The following PCLO variants were observed in gnomAD, a reference collection of about 807,000 sequenced individuals.
The protein encoded by PCLO is piccolo presynaptic cytomatrix protein.
PCLO carries 82 observed loss-of-function variants against 427.5 expected under a neutral mutation model. The observed-to-expected ratio is 0.19, with a 90% CI of 0.16 to 0.23. The LOEUF is 0.23. Among genes scored for constraint, PCLO ranks in the 10% least tolerant of loss-of-function variants. PCLO has a pLI of 1.00. For synonymous variants in PCLO, 2,357 were observed against 2,155.4 expected, an observed-to-expected ratio of 1.09 and a Z score of -2.59; for missense variants, 6,239 against 6,115.9, an observed-to-expected ratio of 1.02 and a Z score of -0.67.
At chr7:83,127,764 G>A (rs190033722) in intron 3 of PCLO, among the ~76,000 whole-genome samples, 12 of 152,118 alleles carry the variant, frequency 7.9e-5, no homozygotes, top group African/African-American at 2.9e-4. Context: ...GGAATCATTT[G>A]GAACCAGAGA....
At chr7:82,905,304 A>G (rs554459317) in intron 8 of PCLO, among the ~76,000 whole-genome samples, 2 of 152,190 alleles carry the variant, frequency 1.3e-5, no homozygotes, top group East Asian at 3.9e-4. Flanking sequence ...TTTGTTAACA[A>G]AAAGGGAAGG....
In PCLO at chr7:82,794,465, T is replaced by G. The variant is rs1355257556; in HGVS notation, c.15007+7053A>C. Among the ~76,000 whole-genome samples the G allele has an allele frequency of 6.4e-3, 462 of 71,698 alleles. 38 individuals carry two copies. The highest frequency in any genetic ancestry group is 0.031 in the African/African-American group (412 of 13,400). 47.0% of individuals were successfully genotyped at this position (71,698 alleles called of 152,430 possible). A position where few individuals can be genotyped will look rare whatever the true frequency, so the allele number is the denominator to read the frequency against. On this transcript the variant is annotated intron_variant, in intron 22 of 24. Transcript: ENST00000333891. ...TAGTTCATAAATTTTTTTTCTTTTT[T>G]TTTTTTTTTTTTTTTTTTTTTTTTG...
intron 2 of PCLO, among the ~76,000 whole-genome samples, chr7:83,145,015 G>A (rs961214184): frequency 1.3e-5 from 2 of 152,074 alleles, no homozygotes; most frequent in Non-Finnish European, 2.9e-5. Flanking sequence ...GAATAGGAAA[G>A]GTACTTTACT....
intron 3 of PCLO, among the ~76,000 whole-genome samples, chr7:83,084,905 T>C (rs1218188490): frequency 6.6e-6 from 1 of 152,194 alleles, no homozygotes; most frequent in African/African-American, 2.4e-5. Context: ...ACATTGGCAG[T>C]TGCAAAGCAT....
chr7:83,093,697 G>A (rs2116450931), intron 3 of PCLO, among the ~76,000 whole-genome samples: 1 of 148,168 alleles, frequency 6.7e-6, no homozygotes, highest in African/African-American at 2.5e-5. Context: ...GTTTCACCGT[G>A]TTAGCCAGGA....
chr7:83,105,209 C>T (rs376891522), intron 3 of PCLO, among the ~76,000 whole-genome samples: 228 of 152,226 alleles, frequency 1.5e-3, no homozygotes, highest in African/African-American at 5.2e-3. Context: ...CATCACTTAA[C>T]AAAAATTTTA....
At chr7:82,821,086 G>A (rs963681842) in intron 20 of PCLO, 2 of 1,091,276 alleles carry the variant, frequency 1.8e-6, no homozygotes, top group Non-Finnish European at 2.2e-6. Context: ...CTTGCTGTGT[G>A]CTTTGAACAG....
In PCLO at chr7:82,777,498, AACCTAT is replaced by A. The variant is rs147310861; in HGVS notation, c.15008-16011_15008-16006del. ...AGGAGGCATTATGCTCCCCTACTTCAACCTATACTGTGGGGCTATAGTAACCAAAAC... is the reference window on the plus strand; with the variant it reads ...AGGAGGCATTATGCTCCCCTACTTCAACTGTGGGGCTATAGTAACCAAAAC... On this transcript the variant is annotated intron_variant, in intron 22 of 24. Transcript: ENST00000333891. Among the ~76,000 whole-genome samples, 41 of 152,304 alleles carry A rather than the reference AACCTAT, an allele frequency of 2.7e-4. No homozygotes were observed. The East Asian group carries it at 6.8e-3, about 25-fold the overall frequency.
At chr7:83,062,624 G>A (rs1023344039) in intron 3 of PCLO, among the ~76,000 whole-genome samples, 11 of 152,142 alleles carry the variant, frequency 7.2e-5, no homozygotes, top group Non-Finnish European at 2.9e-5. Flanking sequence ...TTCTATGTGT[G>A]AGGCAGGTAC....
At chr7:83,074,092 T>C (rs1258290713) in intron 3 of PCLO, among the ~76,000 whole-genome samples, 1 of 152,024 alleles carries the variant, frequency 6.6e-6, no homozygotes, top group Non-Finnish European at 1.5e-5. Context: ...CACTTTATAA[T>C]TGCAAGGAAA....
chr7:82,932,247 C>A (rs1400838838), intron 6 of PCLO, among the ~76,000 whole-genome samples: 1 of 152,018 alleles, frequency 6.6e-6, no homozygotes, highest in Non-Finnish European at 1.5e-5. Context: ...TACATCCTGG[C>A]AAGATGCAGA....
At chr7:83,047,055 T>A (rs1467775441) in intron 3 of PCLO, among the ~76,000 whole-genome samples, 4 of 151,978 alleles carry the variant, frequency 2.6e-5, no homozygotes, top group Non-Finnish European at 5.9e-5. Context: ...CTACTATGAA[T>A]ATAAAGCAAA....
At position 82,822,482 on chromosome 7, in the gene PCLO, T is replaced by C. The variant is rs1791817636; in HGVS notation, c.14791+13A>G. On this transcript the variant is annotated intron_variant, in intron 20 of 24. Coordinates refer to ENST00000333891, the MANE Select transcript of PCLO (RefSeq NM_033026.6). Reference sequence around the variant, plus strand: ...TAAGCTGCCATGCTGAGGAATTTATTTGCGTCTTTTACTTGGTTGAATGCG... The same window carrying C: ...TAAGCTGCCATGCTGAGGAATTTATCTGCGTCTTTTACTTGGTTGAATGCG... 2 of 1,613,778 alleles carry C rather than the reference T, an allele frequency of 1.2e-6. No homozygotes were observed. The highest frequency in any genetic ancestry group is 1.7e-5 in the Admixed American group (1 of 59,984).
intron 3 of PCLO, among the ~76,000 whole-genome samples, chr7:83,059,371 TA>T (rs1789485387): frequency 8.3e-6 from 1 of 120,278 alleles, no homozygotes; most frequent in Admixed American, 8.7e-5. Flanking sequence ...TATATATATA[TA>T]TATATATAAA....
At chr7:83,124,538 G>T (rs1029142509) in intron 3 of PCLO, among the ~76,000 whole-genome samples, 19 of 152,038 alleles carry the variant, frequency 1.2e-4, no homozygotes, top group African/African-American at 4.6e-4. Flanking sequence ...TCTGGAGAAA[G>T]GTGAGCCCTC....
At chr7:82,994,211 T>G (rs894103800) in intron 3 of PCLO, among the ~76,000 whole-genome samples, 1 of 152,022 alleles carries the variant, frequency 6.6e-6, no homozygotes. Flanking sequence ...ATAACTATAT[T>G]GATTAATGTG....
intron 3 of PCLO, among the ~76,000 whole-genome samples, chr7:83,126,464 G>A (rs1463677354): frequency 1.3e-5 from 2 of 151,998 alleles, no homozygotes; most frequent in Non-Finnish European, 1.5e-5. Flanking sequence ...TATATTGTAT[G>A]CCTATATCAA....
chr7:83,059,328 TA>T (rs1215322107), intron 3 of PCLO, among the ~76,000 whole-genome samples: 2 of 136,956 alleles, frequency 1.5e-5, no homozygotes, highest in Admixed American at 7.9e-5. Context: ...ATATTATATA[TA>T]ATATATATTT....
chr7:82,901,758 G>A (rs1245623587), intron 9 of PCLO, among the ~76,000 whole-genome samples: 2 of 152,046 alleles, frequency 1.3e-5, no homozygotes, highest in Non-Finnish European at 1.5e-5. Flanking sequence ...ATCAAAAAGT[G>A]GGCAAAGGAT....
Sources: allele counts gnomAD v4.1 joint callset (sites outside exome capture counted in the v4.1 genomes callset), GRCh38; gene constraint gnomAD v4.1.1; transcripts MANE v1.5; gene names NCBI Gene and HGNC (gene_info 2026-07-23, HGNC 2026-07-21).